SMYD3: variants seen among roughly 807,000 people sequenced by gnomAD.
SMYD3 encodes the protein histone-lysine N-methyltransferase SMYD3.
A neutral mutation model predicts 57.7 loss-of-function variants in SMYD3; 36 were observed. The ratio of observed to expected loss-of-function variants is 0.62; its 90% CI spans 0.48 to 0.82. The LOEUF is 0.82. SMYD3 is among the 40% of genes least tolerant of loss of function. The pLI is 0.00. For missense variants in SMYD3, 515 were observed against 538.8 expected (o/e 0.96, Z 0.44); for synonymous variants, 211 against 195.0 (o/e 1.08, Z -0.68).
chr1:245,948,572 C>T (rs989477483), intron 5 of SMYD3, among the ~76,000 whole-genome samples: 5 of 152,106 alleles, frequency 3.3e-5, no homozygotes, highest in Non-Finnish European at 5.9e-5. Context: ...ACATACTGCT[C>T]GAGTCCTAAG....
intron 2 of SMYD3, among the ~76,000 whole-genome samples, chr1:246,342,907 C>T (rs1336300095): frequency 6.6e-6 from 1 of 151,466 alleles, no homozygotes; most frequent in Non-Finnish European, 1.5e-5. Context: ...TGCAGGGTTC[C>T]AAAAATATAT....
intron 5 of SMYD3, among the ~76,000 whole-genome samples, chr1:246,019,050 T>A (rs561116430): frequency 1.3e-5 from 2 of 152,340 alleles, no homozygotes; most frequent in East Asian, 3.9e-4. Context: ...TTAGAAAGCC[T>A]GAACCCCTTG....
At chr1:245,903,644 G>A (rs914639890) in intron 8 of SMYD3, among the ~76,000 whole-genome samples, 4 of 152,196 alleles carry the variant, frequency 2.6e-5, no homozygotes, top group African/African-American at 9.7e-5. Context: ...GCAGTGGTGC[G>A]TGGTGACAAG....
At chr1:246,094,993 C>T (rs997887886) in intron 5 of SMYD3, among the ~76,000 whole-genome samples, 12 of 152,266 alleles carry the variant, frequency 7.9e-5, no homozygotes, top group African/African-American at 2.9e-4. Context: ...CTCTGCCCCT[C>T]CCAGTGACGT....
intron 1 of SMYD3, 125 bp downstream of exon 1, chr1:246,506,929 C>T: frequency 1.1e-6 from 1 of 938,070 alleles, no homozygotes; most frequent in Non-Finnish European, 1.5e-6. Context: ...AGGGGCAGCA[C>T]CGCCAAGCTG....
At chr1:245,770,997 G>T (rs927664363) in intron 10 of SMYD3, among the ~76,000 whole-genome samples, 2 of 151,830 alleles carry the variant, frequency 1.3e-5, no homozygotes, top group African/African-American at 4.8e-5. Flanking sequence ...TGTGTCAACT[G>T]GAATCTCAAA....
rs879391673 is a variant in SMYD3 at position 246,395,798 on chromosome 1, GGAACCCACCACGGCTGGACAGGGAAGAC to G, written c.165-40732_165-40705del. On this transcript the variant is annotated intron_variant, in intron 1 of 11. Coordinates refer to ENST00000490107, the MANE Select transcript of SMYD3 (RefSeq NM_001167740.2). The stretch of plus-strand genomic sequence containing the variant: ...ACCCACCATGGTCAGACAGGGAAGA[GGAACCCACCACGGCTGGACAGGGAAGAC>G]GAACCCACCACTGTCAGGGGAGAGG... Among the ~76,000 whole-genome samples, 42 of 148,260 alleles carry G rather than the reference GGAACCCACCACGGCTGGACAGGGAAGAC, an allele frequency of 2.8e-4. No individual in the cohort carries two copies. The East Asian group carries it at 6.1e-3, about 22-fold the overall frequency.
chr1:246,033,632 C>T (rs2059717681), intron 5 of SMYD3, among the ~76,000 whole-genome samples: 1 of 152,042 alleles, frequency 6.6e-6, no homozygotes, highest in African/African-American at 2.4e-5. Flanking sequence ...ATTAAAAATA[C>T]AAAAATTAGC....
chr1:246,027,206 G>A (rs1268624040), intron 5 of SMYD3, among the ~76,000 whole-genome samples: 1 of 152,196 alleles, frequency 6.6e-6, no homozygotes, highest in African/African-American at 2.4e-5. Flanking sequence ...GAGGTTTAAG[G>A]AAAGAAGCCA....
intron 5 of SMYD3, among the ~76,000 whole-genome samples, chr1:245,956,345 T>C (rs2057840069): frequency 6.6e-6 from 1 of 152,204 alleles, no homozygotes. Context: ...GGCTTCCTCA[T>C]CCATAGAGGC....
chr1:246,199,989 A>G (rs1402256189), intron 5 of SMYD3, among the ~76,000 whole-genome samples: 1 of 152,158 alleles, frequency 6.6e-6, no homozygotes, highest in African/African-American at 2.4e-5. Context: ...TAGAATGTAC[A>G]CAGACGCCCA....
chr1:246,004,823 T>G (rs4654077), intron 5 of SMYD3, among the ~76,000 whole-genome samples: 1 of 151,896 alleles, frequency 6.6e-6, no homozygotes, highest in Admixed American at 6.6e-5. Context: ...CTACAGACAC[T>G]ATAAGAAATA....
chr1:246,441,804 G>T (rs2067475627), intron 1 of SMYD3, among the ~76,000 whole-genome samples: 1 of 152,166 alleles, frequency 6.6e-6, no homozygotes, highest in South Asian at 2.1e-4. Flanking sequence ...TAGAGATGAG[G>T]TTTCACCATG....
At chr1:246,152,787 A>C (rs1308310683) in intron 5 of SMYD3, among the ~76,000 whole-genome samples, 1 of 152,224 alleles carries the variant, frequency 6.6e-6, no homozygotes, top group Admixed American at 6.5e-5. Context: ...TCATCCTGTC[A>C]CCCAGATTTA....
chr1:246,098,188 C>T (rs920440379), intron 5 of SMYD3, among the ~76,000 whole-genome samples: 2 of 152,158 alleles, frequency 1.3e-5, no homozygotes, highest in African/African-American at 4.8e-5. Flanking sequence ...TGCACACATG[C>T]AAATCAAGAA....
chr1:245,984,185 CAG>C (rs1392996276), intron 5 of SMYD3, among the ~76,000 whole-genome samples: 1 of 151,860 alleles, frequency 6.6e-6, no homozygotes, highest in Non-Finnish European at 1.5e-5. Flanking sequence ...TTTTTAGAAA[CAG>C]GGTTTCACCA....
chr1:245,858,748 A>C (rs1040195621), intron 9 of SMYD3, 78 bp from the exon 10 acceptor site: 2 of 1,458,166 alleles, frequency 1.4e-6, no homozygotes, highest in Non-Finnish European at 1.9e-6. Flanking sequence ...TAAAAGGCTA[A>C]AGAGCTCCCA....
chr1:245,854,133 G>A (rs529803107), intron 10 of SMYD3, among the ~76,000 whole-genome samples: 5 of 152,272 alleles, frequency 3.3e-5, no homozygotes, highest in East Asian at 1.9e-4. Flanking sequence ...GGGCTTTGAT[G>A]AAAGAAGAGA....
At chr1:246,504,438 A>G (rs1217691743) in intron 1 of SMYD3, among the ~76,000 whole-genome samples, 1 of 152,330 alleles carries the variant, frequency 6.6e-6, no homozygotes, top group East Asian at 1.9e-4. Flanking sequence ...TAACTGTAAA[A>G]CAATGGTAAG....
Sources: gnomAD v4.1 joint callset for allele counts (sites outside exome capture counted in the v4.1 genomes callset) on GRCh38, gnomAD v4.1.1 for gene constraint, MANE v1.5 for transcripts, NCBI Gene and HGNC (gene_info 2026-07-23, HGNC 2026-07-21) for gene names.